The following CNTN3 variants were observed in gnomAD, a reference collection of about 807,000 sequenced individuals.
CNTN3 encodes the protein contactin 3.
A neutral mutation model predicts 119.1 loss-of-function variants in CNTN3; 60 were observed. The observed-to-expected ratio is 0.50, with a 90% CI of 0.41 to 0.62. CNTN3 has a LOEUF of 0.62. CNTN3 is among the 20% of genes least tolerant of loss of function. The probability of loss-of-function intolerance (pLI) is 0.00; values close to 1 mark genes in which losing one functional copy is unlikely to be tolerated. For synonymous variants in CNTN3, 450 were observed against 438.7 expected (o/e 1.03, Z -0.32); for missense variants, 1,101 against 1,242.4 (o/e 0.89, Z 1.71).
chr3:74,525,439 C>G (rs948126987), intron 1 of CNTN3, among the ~76,000 whole-genome samples: 1 of 151,812 alleles, frequency 6.6e-6, no homozygotes, highest in Non-Finnish European at 1.5e-5. Context: ...GACTTCTCAG[C>G]ATTGCCATGT....
intron 1 of CNTN3, among the ~76,000 whole-genome samples, chr3:74,559,463 G>T (rs994487336): frequency 6.6e-6 from 1 of 152,130 alleles, no homozygotes; most frequent in Non-Finnish European, 1.5e-5. Flanking sequence ...AAGCTTTGGC[G>T]TGTGGCAGTT....
chr3:74,524,202 T>C (rs1396587854), intron 1 of CNTN3, among the ~76,000 whole-genome samples: 16 of 152,028 alleles, frequency 1.1e-4, no homozygotes, highest in East Asian at 3.9e-4. Context: ...AACATATAAA[T>C]GTGTTCCAAG....
chr3:74,421,332 C>G (rs1298405627), intron 5 of CNTN3, among the ~76,000 whole-genome samples: 1 of 151,912 alleles, frequency 6.6e-6, no homozygotes, highest in Non-Finnish European at 1.5e-5. Context: ...CCATGCTCAG[C>G]TAATTTTTTG....
chr3:74,459,015 A>G (rs145813723), intron 4 of CNTN3, among the ~76,000 whole-genome samples: 2 of 152,080 alleles, frequency 1.3e-5, no homozygotes, highest in East Asian at 3.9e-4. Flanking sequence ...TTATTCAATG[A>G]AAGACTGCTA....
intron 1 of CNTN3, among the ~76,000 whole-genome samples, chr3:74,573,920 T>TATG (rs1704373227): frequency 6.6e-6 from 1 of 152,150 alleles, no homozygotes; most frequent in Non-Finnish European, 1.5e-5. Context: ...CTAGAGTTAC[T>TATG]ATGTGACCAA....
chr3:74,378,116 T>C (rs1258927370), intron 5 of CNTN3, among the ~76,000 whole-genome samples: 1 of 152,208 alleles, frequency 6.6e-6, no homozygotes, highest in Non-Finnish European at 1.5e-5. Flanking sequence ...CTTGATGTCA[T>C]TCAAGATTTT....
At chr3:74,564,269 G>A (rs1239483263) in intron 1 of CNTN3, among the ~76,000 whole-genome samples, 1 of 152,040 alleles carries the variant, frequency 6.6e-6, no homozygotes, top group Non-Finnish European at 1.5e-5. Flanking sequence ...TAATGGTAAG[G>A]CCAGGAAGCA....
rs1323506240 is a variant in CNTN3, at chr3:74,298,173, G to T, written c.2185C>A (p.Gln729Lys). Reference sequence around the variant, plus strand: ...ACATACCCAAAACCTTCACCATTCTGTAGTTCTTCAGGGACTGGCTATAAA... The same window carrying T: ...ACATACCCAAAACCTTCACCATTCTTTAGTTCTTCAGGGACTGGCTATAAA... Reference protein sequence around the residue: ...ITWDPVPEELQNGEGFGYVVA... With the variant: ...ITWDPVPEELKNGEGFGYVVA... The change falls in exon 18 of 23, where the codon CAG (glutamine) becomes AAG (lysine). Residue 729 changes from glutamine (Q) to lysine (K), a missense_variant. Gln to Lys is a moderately conservative substitution (Grantham distance 53). Coordinates refer to ENST00000263665, the MANE Select transcript of CNTN3 (RefSeq NM_020872.3). 1 of 1,593,270 alleles carries T rather than the reference G, an allele frequency of 6.3e-7. No homozygotes were observed. The highest frequency in any genetic ancestry group is 8.6e-7 in the Non-Finnish European group (1 of 1,167,894).
intron 1 of CNTN3, among the ~76,000 whole-genome samples, chr3:74,536,603 T>G (rs901017923): frequency 6.6e-6 from 1 of 152,122 alleles, no homozygotes; most frequent in Non-Finnish European, 1.5e-5. Context: ...AATACATTTG[T>G]AATAAATATG....
chr3:74,578,279 T>C lies in CNTN3; in HGVS notation c.-81+36112A>G, dbSNP rs924030471. On this transcript the variant is annotated intron_variant, in intron 1 of 22. Coordinates refer to ENST00000263665, the MANE Select transcript of CNTN3 (RefSeq NM_020872.3). ...AAAAATACATTAATAAAATAAAATC[T>C]GGCAACTTATTGCTAAATGGCACAG... Among the ~76,000 whole-genome samples, 5 of 152,048 alleles carry C rather than the reference T, an allele frequency of 3.3e-5. No homozygotes were observed. In the South Asian group the frequency reaches 8.3e-4, roughly 25 times the overall value.
chr3:74,491,409 G>A (rs532438557), intron 3 of CNTN3, among the ~76,000 whole-genome samples: 2 of 152,162 alleles, frequency 1.3e-5, no homozygotes, highest in South Asian at 4.1e-4. Flanking sequence ...AGACTAAGGT[G>A]AGAGGGCTTA....
intron 20 of CNTN3, among the ~76,000 whole-genome samples, chr3:74,279,581 G>A (rs191811937): frequency 5.7e-4 from 86 of 151,864 alleles, no homozygotes; most frequent in Non-Finnish European, 8.7e-4. Flanking sequence ...ATATGTGGGA[G>A]CTAGCTATGA....
chr3:74,591,708 C>T (rs1234351176), intron 1 of CNTN3, among the ~76,000 whole-genome samples: 2 of 151,634 alleles, frequency 1.3e-5, no homozygotes, highest in Non-Finnish European at 2.9e-5. Context: ...GCTTTCCTGA[C>T]AGGGAAGATG....
chr3:74,497,464 G>T (rs1445854510), intron 3 of CNTN3, among the ~76,000 whole-genome samples: 1 of 151,880 alleles, frequency 6.6e-6, no homozygotes, highest in Admixed American at 6.6e-5. Context: ...ACAAGGGGTT[G>T]TTTCTTCTTA....
rs551706473 is a variant in CNTN3, at chr3:74,285,113, C to G, written c.2704+192G>C. Among the ~76,000 whole-genome samples the G allele has an allele frequency of 3.3e-5, 5 of 152,270 alleles. No homozygotes were observed. In the East Asian group the frequency reaches 9.7e-4, roughly 29 times the overall value. On this transcript the variant is annotated intron_variant, in intron 20 of 22. Transcript: ENST00000263665. ...GAAGGTGCACGTTCATTTTCACACT[C>G]TACCTAAAGATTTAGGGATATCATG...
At chr3:74,454,850 G>C (rs1434589197) in intron 4 of CNTN3, among the ~76,000 whole-genome samples, 2 of 152,100 alleles carry the variant, frequency 1.3e-5, no homozygotes, top group African/African-American at 2.4e-5. Context: ...CTCTCTTCTG[G>C]CTTGTAGAGT....
intron 1 of CNTN3, among the ~76,000 whole-genome samples, chr3:74,539,546 G>A (rs1000581827): frequency 2.0e-5 from 3 of 151,872 alleles, no homozygotes; most frequent in African/African-American, 4.8e-5. Context: ...AAATAGCCAC[G>A]TGACTCCTTC....
At chr3:74,307,572 T>A (rs1217148947) in intron 13 of CNTN3, among the ~76,000 whole-genome samples, 1 of 152,130 alleles carries the variant, frequency 6.6e-6, no homozygotes, top group African/African-American at 2.4e-5. Flanking sequence ...TAATGGAATT[T>A]TTGATGTAAT....
chr3:74,320,249 TA>T (rs1190221740), intron 13 of CNTN3, among the ~76,000 whole-genome samples: 1 of 152,092 alleles, frequency 6.6e-6, no homozygotes, highest in Non-Finnish European at 1.5e-5. Flanking sequence ...TTCACAATAG[TA>T]AAGACTTGGA....
Sources: allele counts gnomAD v4.1 joint callset (sites outside exome capture counted in the v4.1 genomes callset), GRCh38; gene constraint gnomAD v4.1.1; transcripts MANE v1.5; gene names NCBI Gene and HGNC (gene_info 2026-07-23, HGNC 2026-07-21).